Variants in NCAM2 observed in about 807,000 individuals in gnomAD.
NCAM2 encodes the protein neural cell adhesion molecule 2, also known as N-CAM-2.
Under a neutral mutation model 98.1 loss-of-function variants are expected in NCAM2, and 30 were observed. That is an observed-to-expected ratio of 0.31 (90% CI 0.23 to 0.41). NCAM2 has a LOEUF of 0.41. Ranked by LOEUF, NCAM2 falls within the 10% of genes least tolerant of loss-of-function variation. The pLI, the probability that NCAM2 is intolerant of heterozygous loss-of-function variation, is 1.00. For synonymous variants in NCAM2, 368 were observed against 342.4 expected, an observed-to-expected ratio of 1.07 and a Z score of -0.83; for missense variants, 867 against 1,005.8, an observed-to-expected ratio of 0.86 and a Z score of 1.87.
At chr21:21,394,884 A>T (rs1036700398) in intron 9 of NCAM2, among the ~76,000 whole-genome samples, 1 of 152,166 alleles carries the variant, frequency 6.6e-6, no homozygotes, top group African/African-American at 2.4e-5. Flanking sequence ...TGTATTTCTC[A>T]TCTTCTTTTA....
chr21:21,140,269 G>T (rs866765468), intron 1 of NCAM2, among the ~76,000 whole-genome samples: 15 of 152,110 alleles, frequency 9.9e-5, no homozygotes, highest in African/African-American at 3.6e-4. Flanking sequence ...AACACAGTTT[G>T]GTGGGATATA....
chr21:21,065,848 A>G (rs1190770081), intron 1 of NCAM2, among the ~76,000 whole-genome samples: 2 of 152,182 alleles, frequency 1.3e-5, no homozygotes, highest in Non-Finnish European at 2.9e-5. Flanking sequence ...AAATTAGACA[A>G]GGGAGTGTTC....
At chr21:21,066,530 T>C (rs2065441393) in intron 1 of NCAM2, among the ~76,000 whole-genome samples, 1 of 152,160 alleles carries the variant, frequency 6.6e-6, no homozygotes, top group Non-Finnish European at 1.5e-5. Context: ...AAAAATGATG[T>C]AGCTGTGGAA....
intron 16 of NCAM2, among the ~76,000 whole-genome samples, chr21:21,526,893 A>T (rs1436869891): frequency 6.6e-6 from 1 of 152,166 alleles, no homozygotes; most frequent in Non-Finnish European, 1.5e-5. Flanking sequence ...GTTATTTTCA[A>T]CAAATGGTAC....
intron 12 of NCAM2, among the ~76,000 whole-genome samples, chr21:21,442,047 A>C (rs1979364671): frequency 6.6e-6 from 1 of 152,204 alleles, no homozygotes; most frequent in Non-Finnish European, 1.5e-5. Flanking sequence ...TACACATTAA[A>C]GTTCCAGAAG....
At chr21:21,170,029 G>T (rs148644325) in intron 1 of NCAM2, among the ~76,000 whole-genome samples, 1 of 152,154 alleles carries the variant, frequency 6.6e-6, no homozygotes, top group African/African-American at 2.4e-5. Flanking sequence ...TGTCATTAGA[G>T]AATTATAAAT....
At position 21,411,092 on chromosome 21, in the gene NCAM2, G is replaced by A. The variant is rs8129908; in HGVS notation, c.1383+631G>A. On this transcript the variant is annotated intron_variant, in intron 10 of 17. Transcript: ENST00000400546. ...TATACACACACATATATATATGTGT[G>A]TATATATATACATATATATGTATAT... Among the ~76,000 whole-genome samples the A allele has an allele frequency of 8.6e-3, 136 of 15,796 alleles. 5 individuals carry two copies. The highest frequency in any genetic ancestry group is 0.044 in the African/African-American group (121 of 2,728). 10.4% of individuals were successfully genotyped at this position (15,796 alleles called of 152,430 possible).
At chr21:21,423,612 A>C (rs1462548755) in intron 11 of NCAM2, among the ~76,000 whole-genome samples, 1 of 152,090 alleles carries the variant, frequency 6.6e-6, no homozygotes, top group Non-Finnish European at 1.5e-5. Flanking sequence ...AGCTTGTACT[A>C]CCAATTTTTT....
chr21:21,158,230 A>G (rs113542635), intron 1 of NCAM2, among the ~76,000 whole-genome samples: 9 of 152,330 alleles, frequency 5.9e-5, no homozygotes, highest in African/African-American at 2.2e-4. Context: ...CTGATTAATT[A>G]TATTTTAAAA....
At chr21:21,396,945 A>T (rs2145853720) in intron 9 of NCAM2, among the ~76,000 whole-genome samples, 1 of 152,266 alleles carries the variant, frequency 6.6e-6, no homozygotes, top group African/African-American at 2.4e-5. Context: ...TTTGTGTTAC[A>T]GCTCTTTCAG....
Position 21,335,492 on chromosome 21 carries a change from T to G in NCAM2, c.738-13T>G, listed in dbSNP as rs2074836373. The stretch of plus-strand genomic sequence containing the variant: ...CCAGATCTGTGAGGATGAACCTCTT[T>G]TTTCTTCTTTAGGAATGGCAAGCTC... On this transcript the variant is annotated splice_polypyrimidine_tract_variant and intron_variant, in intron 6 of 17. Transcript: ENST00000400546. The G allele has an allele frequency of 6.3e-7, 1 of 1,577,392 alleles. No individual in the cohort carries two copies. The highest frequency in any genetic ancestry group is 2.3e-5 in the East Asian group (1 of 43,630).
intron 9 of NCAM2, among the ~76,000 whole-genome samples, chr21:21,387,133 G>A (rs1245019658): frequency 6.6e-6 from 1 of 151,426 alleles, no homozygotes; most frequent in Non-Finnish European, 1.5e-5. Flanking sequence ...ACTGGTAAGG[G>A]CCCTCTTTTT....
At chr21:21,019,392 T>G (rs1323850093) in intron 1 of NCAM2, among the ~76,000 whole-genome samples, 1 of 152,232 alleles carries the variant, frequency 6.6e-6, no homozygotes, top group Non-Finnish European at 1.5e-5. Context: ...ATAGGTTTTA[T>G]GATGATTAAA....
At chr21:21,147,337 G>A (rs893726076) in intron 1 of NCAM2, 2 of 952,936 alleles carry the variant, frequency 2.1e-6, no homozygotes, top group African/African-American at 3.5e-5. Context: ...GTTGAAAGAA[G>A]GGGCTAGAAT....
chr21:21,329,207 A>G (rs1469221873), intron 6 of NCAM2, among the ~76,000 whole-genome samples: 2 of 152,094 alleles, frequency 1.3e-5, no homozygotes, highest in African/African-American at 4.8e-5. Flanking sequence ...TCCGCCTCCC[A>G]AAGTGCTAAG....
At chr21:21,231,002 C>A (rs2070602661) in intron 1 of NCAM2, among the ~76,000 whole-genome samples, 1 of 151,202 alleles carries the variant, frequency 6.6e-6, no homozygotes, top group South Asian at 2.1e-4. Flanking sequence ...GGACATTACT[C>A]CAGTGTGTGC....
chr21:21,333,385 C>T (rs566752487), intron 6 of NCAM2, among the ~76,000 whole-genome samples: 8 of 152,236 alleles, frequency 5.3e-5, no homozygotes, highest in South Asian at 2.1e-4. Context: ...AGCCATCTTC[C>T]TTGTCATATC....
intron 9 of NCAM2, among the ~76,000 whole-genome samples, chr21:21,391,925 C>CA (rs34199074): frequency 0.092 from 13,913 of 151,058 alleles, 801 homozygotes; most frequent in East Asian, 0.3. Flanking sequence ...AGTCTAATGC[C>CA]AAAAAAAAAT....
intron 1 of NCAM2, among the ~76,000 whole-genome samples, chr21:21,117,859 A>G (rs554471552): frequency 3.0e-4 from 46 of 152,320 alleles, no homozygotes; most frequent in African/African-American, 1.1e-3. Context: ...ACCAATTTAA[A>G]CAAGGATATG....
Sources: allele counts gnomAD v4.1 joint callset (sites outside exome capture counted in the v4.1 genomes callset), GRCh38; gene constraint gnomAD v4.1.1; transcripts MANE v1.5; gene names NCBI Gene and HGNC (gene_info 2026-07-23, HGNC 2026-07-21).